Variants in WDR27 observed in about 807,000 individuals in gnomAD.
WDR27 encodes the protein WD repeat domain 27.
In WDR27, 100 loss-of-function variants were observed where a neutral mutation model predicts 114.4. The observed-to-expected ratio is 0.87, with a 90% CI of 0.74 to 1.03. The LOEUF (loss-of-function observed/expected upper bound fraction) is 1.03, where lower values mean the gene tolerates loss of function less well. Among genes scored for constraint, WDR27 ranks in the 50% least tolerant of loss-of-function variants. WDR27 has a pLI of 0.00. For synonymous variants in WDR27, 449 were observed against 423.1 expected, an observed-to-expected ratio of 1.06 and a Z score of -0.75; for missense variants, 1,129 against 1,092.9, an observed-to-expected ratio of 1.03 and a Z score of -0.47.
intron 23 of WDR27, among the ~76,000 whole-genome samples, chr6:169,589,829 T>C (rs1188266086): frequency 6.6e-6 from 1 of 152,144 alleles, no homozygotes; most frequent in Non-Finnish European, 1.5e-5. Flanking sequence ...ACATTTTAAT[T>C]AGAGGTACTC....
chr6:169,656,075 GC>G (rs1281167360), intron 13 of WDR27, among the ~76,000 whole-genome samples: 1 of 152,106 alleles, frequency 6.6e-6, no homozygotes, highest in Non-Finnish European at 1.5e-5. Context: ...GGAGAGGGCA[GC>G]CCCCTACCCT....
At chr6:169,668,605 GAC>G (rs1828547836) in intron 4 of WDR27, 1 of 171,286 alleles carries the variant, frequency 5.8e-6, no homozygotes, top group Non-Finnish European at 1.3e-5. Context: ...ACAAGCTGGA[GAC>G]ACACAGGGCT....
At chr6:169,638,322 C>CAAAAAAAAAAAAAAAAAA (rs60501000) in intron 18 of WDR27, among the ~76,000 whole-genome samples, 1 of 11,062 alleles carries the variant, frequency 9.0e-5, no homozygotes, top group Admixed American at 9.8e-4. Context: ...GACTCCGTCT[C>CAAAAAAAAAAAAAAAAAA]AAAAAAAAAA....
intron 25 of WDR27, among the ~76,000 whole-genome samples, chr6:169,496,691 A>G (rs1160448300): frequency 6.6e-6 from 1 of 152,172 alleles, no homozygotes. Flanking sequence ...TCCATTCACA[A>G]TAGCATCAAA....
intron 25 of WDR27, among the ~76,000 whole-genome samples, chr6:169,525,041 T>G (rs1794788994): frequency 6.6e-6 from 1 of 151,994 alleles, no homozygotes; most frequent in South Asian, 2.1e-4. Context: ...GACAAGGAAT[T>G]AATAACCAGA....
intron 25 of WDR27, among the ~76,000 whole-genome samples, chr6:169,459,471 T>C (rs1360712140): frequency 2.0e-5 from 3 of 151,948 alleles, no homozygotes; most frequent in African/African-American, 7.2e-5. Flanking sequence ...AACTTATGCA[T>C]TGCAGGAGAA....
intron 25 of WDR27, among the ~76,000 whole-genome samples, chr6:169,487,991 T>C (rs529910703): frequency 6.6e-6 from 1 of 152,280 alleles, no homozygotes; most frequent in East Asian, 1.9e-4. Context: ...AAAATTCCAG[T>C]CTCTGACTCC....
At chr6:169,500,248 A>G (rs558593518) in intron 25 of WDR27, among the ~76,000 whole-genome samples, 177 of 152,292 alleles carry the variant, frequency 1.2e-3, no homozygotes, top group Non-Finnish European at 1.9e-3. Context: ...TGTGGAATAC[A>G]GGCCGCTTGG....
chr6:169,645,046 A>AT (rs1820282235), intron 16 of WDR27, among the ~76,000 whole-genome samples: 1 of 59,694 alleles, frequency 1.7e-5, no homozygotes, highest in South Asian at 4.4e-4. Flanking sequence ...TAAAAAAAAA[A>AT]AAAAAAAAAA....
chr6:169,644,134 G>C (rs1330615969), intron 16 of WDR27, among the ~76,000 whole-genome samples: 10 of 130,894 alleles, frequency 7.6e-5, no homozygotes, highest in African/African-American at 1.8e-4. Context: ...CTGTTGAAAA[G>C]CCTAGTTCAC....
At chr6:169,568,298 C>T (rs775694513) in intron 25 of WDR27, among the ~76,000 whole-genome samples, 1 of 151,990 alleles carries the variant, frequency 6.6e-6, no homozygotes, top group Non-Finnish European at 1.5e-5. Context: ...AGTAAAAAAA[C>T]ACTGAAAACC....
Position 169,659,188 on chromosome 6 carries a change from G to C in WDR27, c.1217C>G (p.Ser406Cys), listed in dbSNP as rs754838684. The C allele has an allele frequency of 6.2e-7, 1 of 1,609,704 alleles. No individual in the cohort carries two copies. Among genetic ancestry groups the C allele is most frequent in the African/African-American group, 1.3e-5 (1 of 74,648 alleles). Residue 406 changes from serine to cysteine, a missense_variant, in exon 12 of 26, where the codon TCC becomes TGC. By Grantham distance (112) the Ser-to-Cys change is moderately radical. Coordinates refer to ENST00000448612, the MANE Select transcript of WDR27 (RefSeq NM_182552.5). The surrounding 1 kb of genome is among the most constrained non-coding windows in gnomAD (Gnocchi z 4.3). ...ADQKVLCLLASLFGGKIAVLE... is the reference protein window; with the variant it reads ...ADQKVLCLLACLFGGKIAVLE... ...CACGGCAATCTTCCCGCCAAAGAGG[G>C]AGGCCAGCAAGCACAGCACCTGCAG... is the stretch of plus-strand genomic sequence containing the variant.
chr6:169,659,106 C>G lies in WDR27; in HGVS notation c.1299G>C (p.Gln433His), dbSNP rs1292139764. The G allele has an allele frequency of 6.3e-7, 1 of 1,581,024 alleles. No individual in the cohort carries two copies. The highest frequency in any genetic ancestry group is 8.6e-7 in the Non-Finnish European group (1 of 1,165,604). ...TCTACCTGGCTGGCACCGAGAGGCT[C>G]TGCCCCATGCTGGGGCACTGCTGAG... ...VRAQQCPSMGQSLSVPASSCV... is the reference protein window; with the variant it reads ...VRAQQCPSMGHSLSVPASSCV... Residue 433 changes from glutamine to histidine, a missense_variant, in exon 12 of 26, where the codon CAG (glutamine) becomes CAC (histidine). Physicochemically the swap from Gln to His is conservative, Grantham distance 24 (BLOSUM62 0). Transcript: ENST00000448612. The surrounding 1 kb of genome is among the most constrained non-coding windows in gnomAD (Gnocchi z 4.3).
intron 25 of WDR27, among the ~76,000 whole-genome samples, chr6:169,564,938 G>A (rs573246871): frequency 2.0e-5 from 3 of 152,350 alleles, no homozygotes; most frequent in East Asian, 3.9e-4. Context: ...GGTGCAGAAC[G>A]GGTCGGGAGT....
At chr6:169,467,028 A>C (rs1393597128) in intron 25 of WDR27, among the ~76,000 whole-genome samples, 1 of 152,230 alleles carries the variant, frequency 6.6e-6, no homozygotes, top group Non-Finnish European at 1.5e-5. Context: ...CAAAGGGGCT[A>C]CAGGTCCCAG....
chr6:169,636,538 A>G, intron 18 of WDR27, 34 bp from the exon 19 acceptor site: 1 of 1,563,892 alleles, frequency 6.4e-7, no homozygotes, highest in Non-Finnish European at 8.7e-7. Flanking sequence ...TGTCAATATA[A>G]TAAATGTTAA....
chr6:169,483,655 TG>T (rs1788497040), intron 25 of WDR27, among the ~76,000 whole-genome samples: 1 of 152,114 alleles, frequency 6.6e-6, no homozygotes, highest in Non-Finnish European at 1.5e-5. Context: ...ACTCATTCTA[TG>T]ATGCCAGCAT....
chr6:169,578,298 G>C (rs192054855), intron 24 of WDR27, among the ~76,000 whole-genome samples: 6 of 152,304 alleles, frequency 3.9e-5, no homozygotes, highest in Admixed American at 1.3e-4. Context: ...TGCCGTTTGG[G>C]ATATAAAAAC....
chr6:169,456,040 A>G (rs986893129), downstream of WDR27, among the ~76,000 whole-genome samples: 1 of 152,218 alleles, frequency 6.6e-6, no homozygotes, highest in Admixed American at 6.5e-5. The surrounding 1 kb of genome is among the most constrained non-coding windows in gnomAD (Gnocchi z 4.0). Flanking sequence ...AAAATTTTAA[A>G]TGATTTACTG....
Sources: gnomAD v4.1 joint callset for allele counts (sites outside exome capture counted in the v4.1 genomes callset) on GRCh38, gnomAD v4.1.1 for gene constraint, Gnocchi (gnomAD v3.1) non-coding constraint, MANE v1.5 for transcripts, NCBI Gene and HGNC (gene_info 2026-07-23, HGNC 2026-07-21) for gene names.